Variants in SORT1 observed in about 807,000 individuals in gnomAD.
The protein encoded by SORT1 is sortilin.
Under a neutral mutation model 101.7 loss-of-function variants are expected in SORT1, and 39 were observed. The observed-to-expected ratio is 0.38, with a 90% CI of 0.30 to 0.50. SORT1 has a LOEUF of 0.50. SORT1 is among the 20% of genes least tolerant of loss of function. SORT1 has a pLI of 0.90. For synonymous variants in SORT1, 396 were observed against 393.7 expected (o/e 1.01, Z -0.07); for missense variants, 878 against 1,040.4 (o/e 0.84, Z 2.15).
intron 1 of SORT1, among the ~76,000 whole-genome samples, chr1:109,372,689 C>T (rs1651556424): frequency 6.6e-6 from 1 of 151,970 alleles, no homozygotes; most frequent in Non-Finnish European, 1.5e-5. Context: ...GAGGCCGAGA[C>T]AGGCGGATCA....
At chr1:109,348,407 AC>A (rs1202473008) in intron 6 of SORT1, among the ~76,000 whole-genome samples, 48 of 152,232 alleles carry the variant, frequency 3.2e-4, no homozygotes, top group African/African-American at 1.0e-3. Flanking sequence ...AAAAAAAAAA[AC>A]ATGTTACAAA....
chr1:109,345,289 GGGATCACCTGAGCTCA>G (rs1257759994), intron 8 of SORT1, among the ~76,000 whole-genome samples: 1 of 151,938 alleles, frequency 6.6e-6, no homozygotes, highest in Non-Finnish European at 1.5e-5. Flanking sequence ...CTGAGGCGGG[GGGATCACCTGAGCTCA>G]GGAGTTCAAG....
chr1:109,378,714 A>T, intron 1 of SORT1, among the ~76,000 whole-genome samples: 1 of 12,018 alleles, frequency 8.3e-5, no homozygotes, highest in African/African-American at 2.3e-4. Flanking sequence ...ATATATATAT[A>T]TATATATATA....
intron 1 of SORT1, among the ~76,000 whole-genome samples, chr1:109,376,222 C>G (rs893917691): frequency 1.3e-5 from 2 of 150,570 alleles, no homozygotes; most frequent in Admixed American, 1.3e-4. Context: ...CCCAGCTACT[C>G]GGAGAGGCTG....
intron 11 of SORT1, among the ~76,000 whole-genome samples, chr1:109,333,086 C>T (rs1026788908): frequency 1.6e-4 from 24 of 152,102 alleles, no homozygotes; most frequent in African/African-American, 5.8e-4. Flanking sequence ...CATCACCATA[C>T]CCAGCTAATT....
At chr1:109,337,994 T>G (rs1648949687) in intron 10 of SORT1, among the ~76,000 whole-genome samples, 1 of 152,168 alleles carries the variant, frequency 6.6e-6, no homozygotes, top group South Asian at 2.1e-4. Flanking sequence ...AAAAATACAT[T>G]CCGGTAGGGC....
chr1:109,377,374 A>AT (rs540887811), intron 1 of SORT1, among the ~76,000 whole-genome samples: 104 of 152,000 alleles, frequency 6.8e-4, no homozygotes, highest in African/African-American at 2.3e-3. Context: ...TTTTCTTAGT[A>AT]TTTTTTTTAA....
chr1:109,380,189 A>G (rs1252024377), intron 1 of SORT1, among the ~76,000 whole-genome samples: 1 of 152,096 alleles, frequency 6.6e-6, no homozygotes, highest in African/African-American at 2.4e-5. Flanking sequence ...GCGACTCAGG[A>G]GGTTGAGGTG....
At chr1:109,317,784 A>T (rs1647328168) in intron 16 of SORT1, 69 bp downstream of exon 16, 1 of 1,052,056 alleles carries the variant, frequency 9.5e-7, no homozygotes. Flanking sequence ...CTCAGTGTGG[A>T]GAGAAGCAGC....
chr1:109,354,296 G>C, intron 5 of SORT1, 71 bp downstream of exon 5: 3 of 1,075,350 alleles, frequency 2.8e-6, no homozygotes, highest in Non-Finnish European at 4.0e-6. Flanking sequence ...TTTCCTAAAG[G>C]ATCCTTCTAA....
In SORT1 at chr1:109,354,444, C is replaced by A; in HGVS notation, c.631G>T (p.Asp211Tyr). Residue 211 changes from aspartate (D) to tyrosine (Y), a missense_variant, in exon 5 of 20, where the codon GAT becomes TAT. Asp to Tyr is a radical substitution (Grantham distance 160). Around this residue, in one of 2 missense-constraint regions of SORT1, gnomAD observed 684 missense variants for 894.5 expected, o/e 0.76. Coordinates refer to ENST00000256637, the MANE Select transcript of SORT1 (RefSeq NM_002959.7). Reference protein sequence around the residue: ...SDFAKNFVQTDLPFHPLTQMM... With the variant: ...SDFAKNFVQTYLPFHPLTQMM... ...TGAGTGAGAGGATGAAAAGGGAGAT[C>A]TGTTTGCACAAAATTCTTCGCAAAA... 2 of 1,613,348 alleles carry A rather than the reference C, an allele frequency of 1.2e-6. No individual in the cohort carries two copies. The highest frequency in any genetic ancestry group is 1.7e-6 in the Non-Finnish European group (2 of 1,179,312).
intron 11 of SORT1, among the ~76,000 whole-genome samples, chr1:109,334,780 A>G (rs1557790684): frequency 6.6e-6 from 1 of 152,186 alleles, no homozygotes; most frequent in Non-Finnish European, 1.5e-5. Flanking sequence ...CACAGTGTAC[A>G]TTGTAAATAT....
Position 109,354,326 on chromosome 1 carries a change from T to C in SORT1, c.708+41A>G, listed in dbSNP as rs770063337. 1.9e-5 allele frequency: 29 copies of C among 1,537,302 alleles called. No homozygotes were observed. The South Asian group carries it at 3.1e-4, about 16-fold the overall frequency. ...TTCTAAGACAGTACATTTGAGACTATAAAATGCAAAAGGCAAACCATGTTC... is the reference window on the plus strand; with the variant it reads ...TTCTAAGACAGTACATTTGAGACTACAAAATGCAAAAGGCAAACCATGTTC... On this transcript the variant is annotated intron_variant, in intron 5 of 19. Coordinates refer to ENST00000256637, the MANE Select transcript of SORT1 (RefSeq NM_002959.7).
At position 109,351,965 on chromosome 1, in the gene SORT1, GGTGTGTGTGT is replaced by G. The variant is rs10540637; in HGVS notation, c.709-973_709-964del. On this transcript the variant is annotated intron_variant, in intron 5 of 19. Coordinates refer to ENST00000256637, the MANE Select transcript of SORT1 (RefSeq NM_002959.7). Reference sequence around the variant, plus strand: ...CCTGCAGGGCAGGATGAGAGGTAGGGGTGTGTGTGTGTGTGTGTGTGTGTGTGTGTGTGTG... The same window carrying G: ...CCTGCAGGGCAGGATGAGAGGTAGGGGTGTGTGTGTGTGTGTGTGTGTGTG... 8.3e-3 allele frequency among the ~76,000 whole-genome samples: 1,225 copies of G among 147,456 alleles called. 12 individuals are homozygous for G. The highest frequency in any genetic ancestry group is 0.043 in the East Asian group (212 of 4,898).
intron 1 of SORT1, among the ~76,000 whole-genome samples, chr1:109,370,525 T>C (rs1013117763): frequency 6.6e-6 from 1 of 152,120 alleles, no homozygotes; most frequent in African/African-American, 2.4e-5. Flanking sequence ...ATATAGAAAT[T>C]ACATACTATA....
chr1:109,375,261 C>G (rs1304282710), intron 1 of SORT1, among the ~76,000 whole-genome samples: 1 of 151,740 alleles, frequency 6.6e-6, no homozygotes, highest in Non-Finnish European at 1.5e-5. Context: ...GGGCTGGAGA[C>G]AGAAAAAAAA....
chr1:109,394,195 G>A (rs1653065620), intron 1 of SORT1, among the ~76,000 whole-genome samples: 1 of 151,904 alleles, frequency 6.6e-6, no homozygotes, highest in Non-Finnish European at 1.5e-5. Flanking sequence ...CCTTTTGTTT[G>A]TTTTTTTAGT....
chr1:109,371,952 T>A (rs1359335912), intron 1 of SORT1, among the ~76,000 whole-genome samples: 1 of 151,930 alleles, frequency 6.6e-6, no homozygotes, highest in Non-Finnish European at 1.5e-5. Context: ...CTTATACTGG[T>A]GAAAGTTAAA....
rs965538101 is a variant in SORT1, at chr1:109,316,836, C to G, written c.2250+14G>C. 4 of 1,498,632 alleles carry G rather than the reference C, an allele frequency of 2.7e-6. No homozygotes were observed. The African/African-American group carries it at 5.6e-5, about 21-fold the overall frequency. 92.8% of individuals were successfully genotyped at this position (1,498,632 alleles called of 1,614,324 possible). On this transcript the variant is annotated intron_variant, in intron 17 of 19. Coordinates refer to ENST00000256637, the MANE Select transcript of SORT1 (RefSeq NM_002959.7). ...TCCCATTTGTACCTGAAAACTAGACCTATTTTAACATACCTGTTTTTCCGG... is the reference window on the plus strand; with the variant it reads ...TCCCATTTGTACCTGAAAACTAGACGTATTTTAACATACCTGTTTTTCCGG...
Sources: gnomAD v4.1 joint callset for allele counts (sites outside exome capture counted in the v4.1 genomes callset) on GRCh38, gnomAD v4.1.1 for gene constraint, gnomAD v4.1.1 regional missense constraint, MANE v1.5 for transcripts, NCBI Gene and HGNC (gene_info 2026-07-23, HGNC 2026-07-21) for gene names.